Variants in EXOC4 observed in about 807,000 individuals in gnomAD.
EXOC4 encodes the protein SEC8-like 1.
A neutral mutation model predicts 107.2 loss-of-function variants in EXOC4; 71 were observed. That is an observed-to-expected ratio of 0.66 (90% confidence interval 0.55 to 0.81). The LOEUF (loss-of-function observed/expected upper bound fraction) is 0.81, where lower values mean the gene tolerates loss of function less well. Ranked by LOEUF, EXOC4 falls within the 30% of genes least tolerant of loss-of-function variation. The pLI is 0.00. For synonymous variants in EXOC4, 456 were observed against 441.2 expected, an observed-to-expected ratio of 1.03 and a Z score of -0.42; for missense variants, 1,108 against 1,189.6, an observed-to-expected ratio of 0.93 and a Z score of 1.01.
chr7:134,038,247 C>A (rs540315682), intron 17 of EXOC4, among the ~76,000 whole-genome samples: 4 of 152,320 alleles, frequency 2.6e-5, no homozygotes, highest in African/African-American at 9.6e-5. Flanking sequence ...AACTTTCACA[C>A]GGCAAATTGA....
chr7:133,293,885 A>T (rs1794461330), intron 3 of EXOC4, among the ~76,000 whole-genome samples: 1 of 152,192 alleles, frequency 6.6e-6, no homozygotes, highest in Non-Finnish European at 1.5e-5. Context: ...TAGCTTTGTG[A>T]TATGTACGGT....
chr7:133,516,633 T>C (rs1799880328), intron 9 of EXOC4, among the ~76,000 whole-genome samples: 1 of 152,110 alleles, frequency 6.6e-6, no homozygotes, highest in Non-Finnish European at 1.5e-5. Context: ...AACATTCATG[T>C]GCAGGTGCAG....
Position 133,862,478 on chromosome 7 carries a change from G to A in EXOC4, c.1735-33121G>A, listed in dbSNP as rs1387863542. ...AGCCTCAGCTACAGAGCAAGACTTC[G>A]TCTCAGGGGGCGGGGAAAAAAAAAG... On this transcript the variant is annotated intron_variant, in intron 11 of 17. Transcript: ENST00000253861. 2.6e-5 allele frequency among the ~76,000 whole-genome samples: 4 copies of A among 151,830 alleles called. No homozygotes were observed. The East Asian group carries it at 5.8e-4, about 22-fold the overall frequency.
At chr7:133,997,685 T>C (rs1794429537) in intron 15 of EXOC4, 52 bp downstream of exon 15, 1 of 1,575,592 alleles carries the variant, frequency 6.3e-7, no homozygotes, top group African/African-American at 1.3e-5. Flanking sequence ...CTGCGGTTCA[T>C]AAATCACTTG....
At chr7:133,747,574 T>C (rs1795703924) in intron 10 of EXOC4, among the ~76,000 whole-genome samples, 1 of 152,198 alleles carries the variant, frequency 6.6e-6, no homozygotes, top group South Asian at 2.1e-4. Flanking sequence ...TAGAAATTGA[T>C]ATGCTGTATC....
chr7:133,717,259 T>A (rs1795016763), intron 10 of EXOC4, among the ~76,000 whole-genome samples: 1 of 152,234 alleles, frequency 6.6e-6, no homozygotes, highest in South Asian at 2.1e-4. Flanking sequence ...GAACTTTCGA[T>A]CATAAAGTGA....
At position 133,630,119 on chromosome 7, in the gene EXOC4, G is replaced by A. The variant is rs759701016; in HGVS notation, c.1492G>A (p.Val498Ile). The change falls in exon 10 of 18, where the codon GTC becomes ATC. Residue 498 changes from valine to isoleucine, a missense_variant. Transcript: ENST00000253861. Reference protein sequence around the residue: ...VCKPGARNITVIFHPLLRFIQ... With the variant: ...VCKPGARNITIIFHPLLRFIQ... ...CAAACCTGGAGCCAGAAACATTACC[G>A]TCATATTCCACCCATTACTAAGGTA... 1.7e-5 allele frequency: 28 copies of A among 1,613,382 alleles called. No individual in the cohort carries two copies. Among genetic ancestry groups the A allele is most frequent in the South Asian group, 2.2e-5 (2 of 91,056 alleles).
At chr7:133,456,091 TG>T (rs1425755309) in intron 7 of EXOC4, among the ~76,000 whole-genome samples, 1 of 152,220 alleles carries the variant, frequency 6.6e-6, no homozygotes, top group Non-Finnish European at 1.5e-5. Flanking sequence ...GAGGCTATTT[TG>T]TAAAGATAAG....
At chr7:133,573,686 T>C (rs1029967945) in intron 9 of EXOC4, among the ~76,000 whole-genome samples, 1 of 152,178 alleles carries the variant, frequency 6.6e-6, no homozygotes, top group African/African-American at 2.4e-5. Flanking sequence ...TTCTCTCTGT[T>C]GTCCAGGCTC....
the EXOC4 span, among the ~76,000 whole-genome samples, chr7:134,090,365 AGTTT>A: frequency 1.3e-5 from 2 of 152,184 alleles, no homozygotes; most frequent in Non-Finnish European, 2.9e-5. Flanking sequence ...GTAACTGACC[AGTTT>A]GTTGGGCCAT....
intron 12 of EXOC4, among the ~76,000 whole-genome samples, chr7:133,899,952 G>A (rs1160098869): frequency 6.6e-6 from 1 of 151,880 alleles, no homozygotes; most frequent in Non-Finnish European, 1.5e-5. Context: ...TCACCATGTT[G>A]GCCAGGCTGG....
intron 5 of EXOC4, among the ~76,000 whole-genome samples, chr7:133,350,703 G>GTC (rs927747295): frequency 2.6e-5 from 4 of 151,996 alleles, no homozygotes; most frequent in African/African-American, 9.7e-5. Context: ...TTTCAGGATG[G>GTC]TCTCTCTCTG....
At chr7:133,468,369 A>G (rs1299008045) in intron 7 of EXOC4, among the ~76,000 whole-genome samples, 4 of 133,616 alleles carry the variant, frequency 3.0e-5, no homozygotes, top group African/African-American at 1.1e-4. Flanking sequence ...AGGTTATACA[A>G]CGGGGAAATT....
chr7:134,043,103 G>A (rs553524505), intron 17 of EXOC4, among the ~76,000 whole-genome samples: 2 of 152,084 alleles, frequency 1.3e-5, no homozygotes, highest in South Asian at 2.1e-4. Flanking sequence ...TCATGGGTTC[G>A]GATGGTTTTT....
At chr7:133,524,624 G>A (rs1800045692) in intron 9 of EXOC4, among the ~76,000 whole-genome samples, 1 of 151,282 alleles carries the variant, frequency 6.6e-6, no homozygotes, top group Non-Finnish European at 1.5e-5. Flanking sequence ...TGTATAAGGT[G>A]TAAGGAAGGG....
At chr7:133,737,948 G>C (rs1795483857) in intron 10 of EXOC4, among the ~76,000 whole-genome samples, 1 of 108,602 alleles carries the variant, frequency 9.2e-6, no homozygotes, top group Admixed American at 1.4e-4. Flanking sequence ...GTCTTGCTCT[G>C]TTGCTTAGGT....
intron 9 of EXOC4, among the ~76,000 whole-genome samples, chr7:133,566,466 A>C (rs1005604346): frequency 6.6e-6 from 1 of 152,232 alleles, no homozygotes; most frequent in Non-Finnish European, 1.5e-5. Context: ...GCAGACTAAA[A>C]TAGGATTAGG....
At chr7:133,537,604 G>A (rs1800297989) in intron 9 of EXOC4, among the ~76,000 whole-genome samples, 1 of 152,056 alleles carries the variant, frequency 6.6e-6, no homozygotes, top group Admixed American at 6.5e-5. Context: ...CAGATTCTTT[G>A]TTTTCTCCTG....
intron 10 of EXOC4, among the ~76,000 whole-genome samples, chr7:133,630,925 A>G (rs1360179840): frequency 6.6e-6 from 1 of 152,148 alleles, no homozygotes; most frequent in African/African-American, 2.4e-5. Context: ...ATGAGAGTGG[A>G]AAAAAGGGGC....
Sources: allele counts gnomAD v4.1 joint callset (sites outside exome capture counted in the v4.1 genomes callset), GRCh38; gene constraint gnomAD v4.1.1; transcripts MANE v1.5; gene names NCBI Gene and HGNC (gene_info 2026-07-23, HGNC 2026-07-21).